G2E3: variants seen among roughly 807,000 people sequenced by gnomAD.
The protein encoded by G2E3 is G2/M phase-specific E3 ubiquitin-protein ligase.
In G2E3, 35 loss-of-function variants were observed where a neutral mutation model predicts 92.8. That is an observed-to-expected ratio of 0.38 (90% CI 0.29 to 0.50). The LOEUF (loss-of-function observed/expected upper bound fraction) is 0.50, where lower values mean the gene tolerates loss of function less well. Among genes scored for constraint, G2E3 ranks in the 20% least tolerant of loss-of-function variants. The pLI, the probability that G2E3 is intolerant of heterozygous loss-of-function variation, is 0.94. For missense variants in G2E3, 554 were observed against 823.8 expected (o/e 0.67, Z 4.01); for synonymous variants, 242 against 272.4 (o/e 0.89, Z 1.10).
At chr14:30,599,323 G>T (rs1048636350) in intron 8 of G2E3, among the ~76,000 whole-genome samples, 3 of 152,156 alleles carry the variant, frequency 2.0e-5, no homozygotes, top group African/African-American at 7.2e-5. Context: ...TGCCTCCCGG[G>T]TTCAAGCAGT....
Position 30,571,541 on chromosome 14 carries a change from C to T in G2E3, c.-4-9535C>T, listed in dbSNP as rs148754501. Among the ~76,000 whole-genome samples the T allele has an allele frequency of 5.6e-3, 851 of 152,058 alleles. 9 individuals are homozygous for T. The highest frequency in any genetic ancestry group is 0.019 in the African/African-American group (782 of 41,514). ...ACCCCAAGATCATGAAGATTCTTCA[C>T]TATGTTTTCTTCTAGAAGTTTTTTT... On this transcript the variant is annotated intron_variant, in intron 1 of 14. Coordinates refer to ENST00000206595, the MANE Select transcript of G2E3 (RefSeq NM_017769.5).
intron 10 of G2E3, among the ~76,000 whole-genome samples, chr14:30,602,564 T>A: frequency 6.6e-6 from 1 of 152,152 alleles, no homozygotes; most frequent in East Asian, 1.9e-4. Flanking sequence ...GCATACCGTG[T>A]CACCTTATTA....
intron 2 of G2E3, among the ~76,000 whole-genome samples, chr14:30,586,366 A>T (rs1314349023): frequency 6.6e-6 from 1 of 152,116 alleles, no homozygotes; most frequent in African/African-American, 2.4e-5. Flanking sequence ...CATTCTCCTA[A>T]TTTTTGTAAG....
intron 1 of G2E3, among the ~76,000 whole-genome samples, chr14:30,573,121 CTG>C (rs1461079066): frequency 6.6e-6 from 1 of 151,998 alleles, no homozygotes; most frequent in African/African-American, 2.4e-5. Context: ...GTGCATAACA[CTG>C]TGCCTGGCTT....
chr14:30,604,769 T>A (rs1881745504), intron 10 of G2E3, among the ~76,000 whole-genome samples: 1 of 152,244 alleles, frequency 6.6e-6, no homozygotes, highest in Non-Finnish European at 1.5e-5. Flanking sequence ...TAAGGAGAGA[T>A]TACATTTGCT....
chr14:30,565,761 A>G (rs1009928640), intron 1 of G2E3, among the ~76,000 whole-genome samples: 1 of 139,368 alleles, frequency 7.2e-6, no homozygotes, highest in Non-Finnish European at 1.5e-5. Context: ...TCCTGGGTTC[A>G]TGCCATTCTC....
chr14:30,612,435 ATTATCTTG>A, intron 13 of G2E3, 56 bp downstream of exon 13: 1 of 1,074,220 alleles, frequency 9.3e-7, no homozygotes, highest in Non-Finnish European at 1.4e-6. Flanking sequence ...AAAGTGGTTA[ATTATCTTG>A]TAATGTGAGA....
intron 2 of G2E3, among the ~76,000 whole-genome samples, chr14:30,581,354 T>C (rs1880421689): frequency 1.3e-5 from 2 of 152,198 alleles, no homozygotes; most frequent in Non-Finnish European, 1.5e-5. Context: ...ATAAAACAGT[T>C]ATTTAAAGGA....
Position 30,612,336 on chromosome 14 carries a change from C to A in G2E3, c.1630C>A (p.Leu544Ile), listed in dbSNP as rs751755290. ...SDKYMLVKDILGYHVIQRVHT... is the reference protein window; with the variant it reads ...SDKYMLVKDIIGYHVIQRVHT... ...TAAATATATGTTAGTAAAAGACATA[C>A]TTGGCTACCATGTAATTCAGAGAGT... The change falls in exon 13 of 15, where the codon CTT (leucine) becomes ATT (isoleucine). Residue 544 changes from leucine (L) to isoleucine (I), a missense_variant. Around this residue, in one of 3 missense-constraint regions of G2E3, gnomAD observed 397 missense variants for 560.3 expected, o/e 0.71. Coordinates refer to ENST00000206595, the MANE Select transcript of G2E3 (RefSeq NM_017769.5). 6.2e-7 allele frequency: 1 copy of A among 1,607,748 alleles called. No homozygotes were observed. The highest frequency in any genetic ancestry group is 2.2e-5 in the East Asian group (1 of 44,672).
intron 4 of G2E3, chr14:30,590,604 C>T (rs1377998837): frequency 6.6e-6 from 3 of 452,798 alleles, no homozygotes; most frequent in South Asian, 1.6e-5. Flanking sequence ...ACATAAGAAA[C>T]ATTTATTCTT....
chr14:30,582,624 G>A (rs1005125524), intron 2 of G2E3, among the ~76,000 whole-genome samples: 1 of 152,198 alleles, frequency 6.6e-6, no homozygotes, highest in African/African-American at 2.4e-5. Flanking sequence ...ATGCACACTT[G>A]CGGGTAAAAG....
rs573496674 is a variant in G2E3, at chr14:30,609,274, T to G, written c.1500+1205T>G. The stretch of plus-strand genomic sequence containing the variant: ...ATATTTAAGCTTCATTGTCTCTACT[T>G]CGTATTTCCTATTTATTTCTTGTAA... On this transcript the variant is annotated intron_variant, in intron 12 of 14. Transcript: ENST00000206595. Among the ~76,000 whole-genome samples, 26 of 152,330 alleles carry G rather than the reference T, an allele frequency of 1.7e-4. No homozygotes were observed. In the South Asian group the frequency reaches 3.1e-3, roughly 18 times the overall value.
chr14:30,594,109 A>G (rs1253074815), intron 6 of G2E3, among the ~76,000 whole-genome samples: 2 of 152,200 alleles, frequency 1.3e-5, no homozygotes, highest in African/African-American at 2.4e-5. Flanking sequence ...ATTAATTAAA[A>G]ATATTGGTTC....
rs1305285151 is a variant in G2E3 at position 30,617,876 on chromosome 14, T to A, written c.*1342T>A. 1 of 152,086 alleles carries A rather than the reference T, an allele frequency of 6.6e-6. No individual in the cohort carries two copies. The allele number at this position is 152,086 out of a possible 1,614,324, so 9.4% of individuals were successfully genotyped here. A position where few individuals can be genotyped will look rare whatever the true frequency, so the allele number is the denominator to read the frequency against. On this transcript the variant is annotated 3_prime_UTR_variant, in exon 15 of 15. Coordinates refer to ENST00000206595, the MANE Select transcript of G2E3 (RefSeq NM_017769.5). ...GAAAAAATTGGAAAACAAAGTCTGATGTCCTTAATCTATTAACATATTTAA... is the reference window on the plus strand; with the variant it reads ...GAAAAAATTGGAAAACAAAGTCTGAAGTCCTTAATCTATTAACATATTTAA...
At chr14:30,585,807 C>A (rs924098961) in intron 2 of G2E3, among the ~76,000 whole-genome samples, 2 of 151,398 alleles carry the variant, frequency 1.3e-5, no homozygotes, top group African/African-American at 2.4e-5. Context: ...TTGGGATTTT[C>A]TTTTTTAACA....
At chr14:30,560,703 C>T in intron 1 of G2E3, 2 of 649,542 alleles carry the variant, frequency 3.1e-6, no homozygotes, top group South Asian at 1.7e-5. Context: ...TTTCTTAAAT[C>T]AGTGAGTTTC....
intron 1 of G2E3, among the ~76,000 whole-genome samples, chr14:30,569,713 C>T (rs980230195): frequency 5.9e-5 from 9 of 152,002 alleles, no homozygotes; most frequent in African/African-American, 1.5e-4. Flanking sequence ...GACCTGCCCA[C>T]GAAGTCAGGG....
chr14:30,562,953 T>G (rs949434705), intron 1 of G2E3, among the ~76,000 whole-genome samples: 3 of 152,210 alleles, frequency 2.0e-5, no homozygotes, highest in Non-Finnish European at 4.4e-5. Flanking sequence ...CACTGCCCCT[T>G]TGTCTTGTAT....
In G2E3 at chr14:30,602,025, G is replaced by T. The variant is rs757655708; in HGVS notation, c.904G>T (p.Val302Leu). Reference sequence around the variant, plus strand: ...AGAGTTCCAAAAAGCCAAAAAACATGTATTACCCAATTCTAATAATGTGGG... The same window carrying T: ...AGAGTTCCAAAAAGCCAAAAAACATTTATTACCCAATTCTAATAATGTGGG... ...SGEFQKAKKH[V>L]LPNSNNVGIT... Residue 302 changes from valine (V) to leucine (L), a missense_variant, in exon 10 of 15, where the codon GTA (valine) becomes TTA (leucine). Coordinates refer to ENST00000206595, the MANE Select transcript of G2E3 (RefSeq NM_017769.5). The T allele has an allele frequency of 1.9e-6, 3 of 1,611,808 alleles. No individual in the cohort carries two copies. The highest frequency in any genetic ancestry group is 1.1e-5 in the South Asian group (1 of 90,778).
Sources: allele counts gnomAD v4.1 joint callset (sites outside exome capture counted in the v4.1 genomes callset), GRCh38; gene constraint gnomAD v4.1.1; regional missense constraint gnomAD v4.1.1; transcripts MANE v1.5; gene names NCBI Gene and HGNC (gene_info 2026-07-23, HGNC 2026-07-21).